Variants in EPHB1 observed in about 807,000 individuals in gnomAD.
EPHB1 encodes the protein ephrin type-B receptor 1.
In EPHB1, 30 loss-of-function variants were observed where a neutral mutation model predicts 94.4. The ratio of observed to expected loss-of-function variants is 0.32; its 90% confidence interval spans 0.24 to 0.43. EPHB1 has a LOEUF of 0.43. Among genes scored for constraint, EPHB1 ranks in the 20% least tolerant of loss-of-function variants. EPHB1 has a pLI of 1.00. For synonymous variants in EPHB1, 522 were observed against 489.1 expected, an observed-to-expected ratio of 1.07 and a Z score of -0.89; for missense variants, 1,055 against 1,308.3, an observed-to-expected ratio of 0.81 and a Z score of 2.99.
chr3:135,130,901 C>A (rs937222761), intron 4 of EPHB1, among the ~76,000 whole-genome samples: 1 of 152,146 alleles, frequency 6.6e-6, no homozygotes, highest in African/African-American at 2.4e-5. Flanking sequence ...ACAAGAGTTG[C>A]GTTGACTGCT....
At chr3:134,912,163 C>T (rs1032095527) in intron 1 of EPHB1, among the ~76,000 whole-genome samples, 6 of 152,204 alleles carry the variant, frequency 3.9e-5, no homozygotes, top group Admixed American at 3.9e-4. Context: ...ATTGATGCCC[C>T]CTGGGTGCTT....
In EPHB1 at chr3:135,260,340, G is replaced by T. The variant is rs1026673389; in HGVS notation, c.*1220G>T. 4.3e-5 allele frequency: 10 copies of T among 232,084 alleles called. No individual in the cohort carries two copies. The highest frequency in any genetic ancestry group is 2.0e-4 in the African/African-American group (9 of 45,252). The allele number at this position is 232,084 out of a possible 1,614,324, so 14.4% of individuals were successfully genotyped here. On this transcript the variant is annotated 3_prime_UTR_variant, in exon 16 of 16. Transcript: ENST00000398015. ...TTTACATTCCTTGTTGTACCTCATT[G>T]TTCAATTCACTTTTGTAAATTCCAC...
intron 12 of EPHB1, among the ~76,000 whole-genome samples, chr3:135,213,695 T>C (rs1207311903): frequency 6.6e-6 from 1 of 152,240 alleles, no homozygotes; most frequent in East Asian, 1.9e-4. Context: ...AGCAGCTTTA[T>C]GCTGGTTAAA....
chr3:134,811,625 C>T (rs528591463), intron 1 of EPHB1, among the ~76,000 whole-genome samples: 1 of 151,984 alleles, frequency 6.6e-6, no homozygotes, highest in Admixed American at 6.6e-5. Context: ...GACATCTGTT[C>T]ATGTACTGAG....
intron 15 of EPHB1, among the ~76,000 whole-genome samples, chr3:135,254,618 G>T (rs1354305589): frequency 6.6e-6 from 1 of 152,198 alleles, no homozygotes; most frequent in African/African-American, 2.4e-5. Context: ...CGGTTTGCCA[G>T]TATTTTATTG....
chr3:134,885,487 A>G (rs1233919973), intron 1 of EPHB1, among the ~76,000 whole-genome samples: 2 of 152,224 alleles, frequency 1.3e-5, no homozygotes, highest in Admixed American at 6.5e-5. Context: ...GCAGGAAACT[A>G]AATATGCCAA....
chr3:134,994,435 C>T (rs1041532717), intron 3 of EPHB1, among the ~76,000 whole-genome samples: 11 of 152,152 alleles, frequency 7.2e-5, no homozygotes, highest in Non-Finnish European at 1.6e-4. Flanking sequence ...TCTGTCATCC[C>T]GTGCCTGGGA....
At chr3:135,138,464 A>G (rs988289946) in intron 5 of EPHB1, among the ~76,000 whole-genome samples, 1 of 152,244 alleles carries the variant, frequency 6.6e-6, no homozygotes, top group Non-Finnish European at 1.5e-5. Context: ...AAGGAATTTT[A>G]TGATATTGCA....
intron 1 of EPHB1, among the ~76,000 whole-genome samples, chr3:134,838,093 G>A (rs2036709265): frequency 6.6e-6 from 1 of 152,142 alleles, no homozygotes; most frequent in African/African-American, 2.4e-5. Flanking sequence ...CTTGGGCCAT[G>A]CCCAAGCCCC....
chr3:134,894,608 G>T (rs953850953), intron 1 of EPHB1, among the ~76,000 whole-genome samples: 2 of 152,110 alleles, frequency 1.3e-5, no homozygotes, highest in Admixed American at 6.5e-5. Context: ...AGTGAAAGAG[G>T]GCTCTGGAAG....
chr3:134,919,841 G>T (rs76916670), intron 1 of EPHB1, among the ~76,000 whole-genome samples: 19,948 of 149,660 alleles, frequency 0.13, 1,727 homozygotes, highest in African/African-American at 0.25. Context: ...TTAGGGCAGG[G>T]GTGTGTGTGT....
At chr3:134,836,053 G>T (rs185372296) in intron 1 of EPHB1, among the ~76,000 whole-genome samples, 1 of 152,308 alleles carries the variant, frequency 6.6e-6, no homozygotes, top group South Asian at 2.1e-4. Flanking sequence ...TCCATTTGAC[G>T]GCAGAAGTGA....
chr3:135,025,318 G>A (rs1306439546), intron 3 of EPHB1, among the ~76,000 whole-genome samples: 1 of 121,184 alleles, frequency 8.3e-6, no homozygotes, highest in Non-Finnish European at 1.7e-5. Context: ...CCACTAACTC[G>A]TCATCTAGCA....
At chr3:135,165,347 T>C (rs548308790) in intron 7 of EPHB1, among the ~76,000 whole-genome samples, 1 of 152,342 alleles carries the variant, frequency 6.6e-6, no homozygotes, top group African/African-American at 2.4e-5. Context: ...ATGAGTTCTG[T>C]CTGCCTCTAT....
At chr3:135,207,763 T>C (rs1361195104) in intron 12 of EPHB1, among the ~76,000 whole-genome samples, 3 of 152,228 alleles carry the variant, frequency 2.0e-5, no homozygotes, top group African/African-American at 4.8e-5. Context: ...TTGTCATCTG[T>C]AGGCTTGGGA....
chr3:135,161,061 A>G (rs996231560), intron 6 of EPHB1, among the ~76,000 whole-genome samples: 1 of 152,198 alleles, frequency 6.6e-6, no homozygotes, highest in African/African-American at 2.4e-5. Flanking sequence ...TGGATGGGGA[A>G]CATCAAGAAA....
intron 1 of EPHB1, among the ~76,000 whole-genome samples, chr3:134,854,243 C>T (rs1232731375): frequency 1.3e-5 from 2 of 152,092 alleles, no homozygotes; most frequent in East Asian, 3.9e-4. Context: ...CTGCCGGAGT[C>T]AGTTTGACTG....
chr3:134,905,166 T>C (rs572538416), intron 1 of EPHB1, among the ~76,000 whole-genome samples: 36 of 152,222 alleles, frequency 2.4e-4, no homozygotes, highest in Non-Finnish European at 3.7e-4. Context: ...AGTGTTTCTT[T>C]AGAATACTCT....
At chr3:135,186,595 A>T (rs990422333) in intron 10 of EPHB1, among the ~76,000 whole-genome samples, 1 of 152,108 alleles carries the variant, frequency 6.6e-6, no homozygotes, top group Non-Finnish European at 1.5e-5. Flanking sequence ...CTGCTTTTTT[A>T]AAAAAAGTGC....
Sources: allele counts gnomAD v4.1 joint callset (sites outside exome capture counted in the v4.1 genomes callset), GRCh38; gene constraint gnomAD v4.1.1; transcripts MANE v1.5; gene names NCBI Gene and HGNC (gene_info 2026-07-23, HGNC 2026-07-21).